Variants in IKZF2 observed in about 807,000 individuals in gnomAD.
IKZF2 encodes IKAROS family zinc finger 2, also known as zinc finger protein Helios.
Under a neutral mutation model 49.2 loss-of-function variants are expected in IKZF2, and 15 were observed. That is an observed-to-expected ratio of 0.30 (90% CI 0.20 to 0.47). IKZF2 has a LOEUF of 0.47. Ranked by LOEUF, IKZF2 falls within the 20% of genes least tolerant of loss-of-function variation. The pLI is 1.00. For missense variants in IKZF2, 567 were observed against 664.6 expected, an observed-to-expected ratio of 0.85 and a Z score of 1.61; for synonymous variants, 227 against 221.4, an observed-to-expected ratio of 1.03 and a Z score of -0.23.
intron 6 of IKZF2, among the ~76,000 whole-genome samples, chr2:213,049,371 A>G (rs961707258): frequency 7.2e-5 from 11 of 152,256 alleles, no homozygotes; most frequent in Admixed American, 5.2e-4. Context: ...AACATAACTG[A>G]TATTATACTG....
At chr2:213,029,526 G>T (rs555669900) in intron 6 of IKZF2, among the ~76,000 whole-genome samples, 1 of 151,966 alleles carries the variant, frequency 6.6e-6, no homozygotes, top group African/African-American at 2.4e-5. Flanking sequence ...CAAATTATGT[G>T]TTCTTTTAAT....
chr2:213,097,494 T>C (rs2125682706), intron 4 of IKZF2, among the ~76,000 whole-genome samples: 1 of 152,236 alleles, frequency 6.6e-6, no homozygotes, highest in East Asian at 1.9e-4. Context: ...CTTGATTTCA[T>C]ATGTTAAAGT....
chr2:213,030,825 T>G (rs1245497253), intron 6 of IKZF2, among the ~76,000 whole-genome samples: 1 of 150,396 alleles, frequency 6.6e-6, no homozygotes, highest in Non-Finnish European at 1.5e-5. Context: ...TTTTTTTTTT[T>G]TTTGTTTGGT....
At chr2:213,018,874 T>A (rs1006118987) in intron 7 of IKZF2, among the ~76,000 whole-genome samples, 4 of 152,228 alleles carry the variant, frequency 2.6e-5, no homozygotes, top group Non-Finnish European at 5.9e-5. Context: ...TGAACACTCC[T>A]GCATGTAAGA....
chr2:213,146,122 T>A (rs2061048874), intron 4 of IKZF2, among the ~76,000 whole-genome samples: 1 of 152,094 alleles, frequency 6.6e-6, no homozygotes, highest in South Asian at 2.1e-4. Context: ...ACCCTATACA[T>A]GCAATGTTTC....
rs549534549 is a variant in IKZF2 at position 213,040,650 on chromosome 2, C to T, written c.574+9063G>A. On this transcript the variant is annotated intron_variant, in intron 6 of 8. Transcript: ENST00000434687. ...TCCAGGGCTTAATTTAAACACTATC[C>T]CCTCAGAGTATTAGGTATAATAAAG... 4.6e-5 allele frequency among the ~76,000 whole-genome samples: 7 copies of T among 151,906 alleles called. No individual in the cohort carries two copies. The South Asian group carries it at 1.5e-3, about 32-fold the overall frequency.
intron 4 of IKZF2, among the ~76,000 whole-genome samples, chr2:213,120,254 T>C (rs1451126050): frequency 6.6e-6 from 1 of 152,150 alleles, no homozygotes; most frequent in Non-Finnish European, 1.5e-5. Flanking sequence ...TACAATGTGG[T>C]GAATACTATA....
intron 6 of IKZF2, among the ~76,000 whole-genome samples, chr2:213,026,188 G>A (rs575119216): frequency 6.6e-6 from 1 of 152,052 alleles, no homozygotes; most frequent in South Asian, 2.1e-4. Context: ...TCTGAGTTTT[G>A]TTTGTTGCTG....
intron 4 of IKZF2, among the ~76,000 whole-genome samples, chr2:213,072,235 C>T (rs1702784111): frequency 1.3e-5 from 2 of 151,456 alleles, no homozygotes; most frequent in South Asian, 4.1e-4. Flanking sequence ...AAAGGAGTAA[C>T]TCGGAAATTT....
At chr2:213,094,068 G>T (rs1476790047) in intron 4 of IKZF2, among the ~76,000 whole-genome samples, 1 of 152,096 alleles carries the variant, frequency 6.6e-6, no homozygotes, top group Non-Finnish European at 1.5e-5. Flanking sequence ...AACATAAAAA[G>T]GTAAATAAGA....
In IKZF2 at chr2:213,056,800, G is replaced by C. The variant is rs770744382; in HGVS notation, c.406+33C>G. The C allele has an allele frequency of 3.1e-6, 5 of 1,611,732 alleles. No individual in the cohort carries two copies. The Admixed American group carries it at 8.3e-5, about 27-fold the overall frequency. ...GGTAATATCAACATCAGATGTCACA[G>C]GCAGTCATCAGGTTATTCTTTCAGC... is the stretch of plus-strand genomic sequence containing the variant. On this transcript the variant is annotated intron_variant, in intron 5 of 8. Coordinates refer to ENST00000434687, the MANE Select transcript of IKZF2 (RefSeq NM_001387220.1).
chr2:213,150,469 C>CTCCTCCTCG (rs1202582751), intron 1 of IKZF2: 3 of 271,284 alleles, frequency 1.1e-5, no homozygotes, highest in Admixed American at 4.5e-5. Flanking sequence ...CCTCCTCCTC[C>CTCCTCCTCG]TCCTCCTCGT....
intron 4 of IKZF2, among the ~76,000 whole-genome samples, chr2:213,144,666 A>G (rs1001808810): frequency 1.3e-5 from 2 of 151,990 alleles, no homozygotes; most frequent in Admixed American, 1.3e-4. Flanking sequence ...ATCAAGGCAT[A>G]TACTGTCATC....
At chr2:213,133,721 A>AATAAATAAATAG (rs1160025253) in intron 4 of IKZF2, among the ~76,000 whole-genome samples, 1 of 151,426 alleles carries the variant, frequency 6.6e-6, no homozygotes, top group African/African-American at 2.4e-5. Context: ...TAAATAAATA[A>AATAAATAAATAG]ATAAATAAAT....
intron 2 of IKZF2, among the ~76,000 whole-genome samples, chr2:213,149,573 T>A (rs1448424850): frequency 6.6e-6 from 1 of 152,158 alleles, no homozygotes; most frequent in South Asian, 2.1e-4. Flanking sequence ...GCCTTGGTCC[T>A]TTTTGCCTTT....
intron 4 of IKZF2, among the ~76,000 whole-genome samples, chr2:213,102,132 G>A (rs1316242206): frequency 6.6e-6 from 1 of 152,066 alleles, no homozygotes; most frequent in Non-Finnish European, 1.5e-5. Flanking sequence ...TTAAAGAAGT[G>A]GTGATTTTCA....
chr2:213,146,137 G>A (rs1229249874), intron 4 of IKZF2, among the ~76,000 whole-genome samples: 1 of 152,010 alleles, frequency 6.6e-6, no homozygotes, highest in Non-Finnish European at 1.5e-5. Flanking sequence ...TGTTTCTAAA[G>A]CCAATAGCTA....
intron 4 of IKZF2, among the ~76,000 whole-genome samples, chr2:213,060,591 G>C (rs1701588206): frequency 6.6e-6 from 1 of 151,236 alleles, no homozygotes; most frequent in Admixed American, 6.6e-5. Flanking sequence ...TTTCAAGCTT[G>C]TTTCTCTGAT....
At chr2:213,045,760 C>T (rs73987746) in intron 6 of IKZF2, among the ~76,000 whole-genome samples, 3,731 of 152,274 alleles carry the variant, frequency 0.025, 63 homozygotes, top group Middle Eastern at 0.12. Flanking sequence ...GCACCCTGCA[C>T]CTTCCTTCGT....
Sources: allele counts gnomAD v4.1 joint callset (sites outside exome capture counted in the v4.1 genomes callset), GRCh38; gene constraint gnomAD v4.1.1; transcripts MANE v1.5; gene names NCBI Gene and HGNC (gene_info 2026-07-23, HGNC 2026-07-21).